Variants in RAB3GAP2 observed in about 807,000 individuals in gnomAD.
RAB3GAP2 encodes the protein rab3 GTPase-activating protein non-catalytic subunit.
RAB3GAP2 carries 87 observed loss-of-function variants against 185.3 expected under a neutral mutation model. The ratio of observed to expected loss-of-function variants is 0.47; its 90% CI spans 0.39 to 0.56. The LOEUF (loss-of-function observed/expected upper bound fraction) is 0.56, where lower values mean the gene tolerates loss of function less well. RAB3GAP2 is among the 20% of genes least tolerant of loss of function. The pLI is 0.00. For synonymous variants in RAB3GAP2, 554 were observed against 576.1 expected, an observed-to-expected ratio of 0.96 and a Z score of 0.55; for missense variants, 1,492 against 1,638.2, an observed-to-expected ratio of 0.91 and a Z score of 1.54.
intron 26 of RAB3GAP2, 66 bp downstream of exon 26, chr1:220,167,227 T>C: frequency 7.3e-7 from 1 of 1,364,340 alleles, no homozygotes; most frequent in Non-Finnish European, 1.0e-6. Flanking sequence ...AATTAGACGG[T>C]CCCCATATAT....
intron 2 of RAB3GAP2, among the ~76,000 whole-genome samples, chr1:220,223,599 C>T (rs112061271): frequency 4.6e-5 from 7 of 151,790 alleles, no homozygotes; most frequent in Non-Finnish European, 7.4e-5. Context: ...TTTCAAATAC[C>T]TGAGAACAGC....
intron 1 of RAB3GAP2, among the ~76,000 whole-genome samples, chr1:220,264,287 G>GAA (rs1403053833): frequency 1.3e-5 from 2 of 151,872 alleles, no homozygotes; most frequent in Non-Finnish European, 2.9e-5. Flanking sequence ...AATAAGTGAG[G>GAA]AAAACAACAT....
rs111345353 is a variant in RAB3GAP2, at chr1:220,189,696, C to T, written c.1779+7G>A. 7.1e-4 allele frequency: 1,110 copies of T among 1,560,476 alleles called. 8 individuals are homozygous for T. The African/African-American group carries it at 0.013, about 18-fold the overall frequency. Reference sequence around the variant, plus strand: ...AGCAGGAAAGTTCGTGTATTATATACACTTACTTGTTTTTTGGTTGCAGGG... The same window carrying T: ...AGCAGGAAAGTTCGTGTATTATATATACTTACTTGTTTTTTGGTTGCAGGG... On this transcript the variant is annotated splice_region_variant and intron_variant, in intron 17 of 34. Coordinates refer to ENST00000358951, the MANE Select transcript of RAB3GAP2 (RefSeq NM_012414.4).
chr1:220,189,626 A>AT, intron 17 of RAB3GAP2, 77 bp downstream of exon 17: 3 of 1,383,892 alleles, frequency 2.2e-6, no homozygotes, highest in South Asian at 2.9e-5. Context: ...TTTGGGGGAA[A>AT]TAGGAAAATA....
At chr1:220,161,219 C>A (rs1368658101) in intron 28 of RAB3GAP2, among the ~76,000 whole-genome samples, 1 of 152,056 alleles carries the variant, frequency 6.6e-6, no homozygotes, top group Non-Finnish European at 1.5e-5. Context: ...TTAGATTTAA[C>A]CAGAAAAATG....
chr1:220,167,719 C>T (rs769235350), intron 24 of RAB3GAP2, 44 bp from the exon 25 acceptor site: 1 of 1,590,872 alleles, frequency 6.3e-7, no homozygotes. Flanking sequence ...TTACAACACA[C>T]AGGGCAGTGT....
Position 220,172,639 on chromosome 1 carries a change from T to C in RAB3GAP2, c.2414A>G (p.Lys805Arg). ...CGAGAGCAACAAACTTTGTTTACCT[T>C]TCATCTTGCTCAGGAGGGACAGCAT... ...HTMLSLLSKM[K>R]VAIDETWDSQ... Residue 805 changes from lysine to arginine, a missense_variant and splice_region_variant, in exon 22 of 35, where the codon AAA (lysine) becomes AGA (arginine). Lys to Arg is a conservative substitution (Grantham distance 26). Coordinates refer to ENST00000358951, the MANE Select transcript of RAB3GAP2 (RefSeq NM_012414.4). 1 of 1,601,410 alleles carries C rather than the reference T, an allele frequency of 6.2e-7. No individual in the cohort carries two copies. Among genetic ancestry groups the C allele is most frequent in the Non-Finnish European group, 8.6e-7 (1 of 1,168,350 alleles).
chr1:220,254,423 C>T, intron 1 of RAB3GAP2: 1 of 1,612,936 alleles, frequency 6.2e-7, no homozygotes, highest in Non-Finnish European at 8.5e-7. Context: ...AAGAGCCTTG[C>T]TTTATTACTC....
intron 8 of RAB3GAP2, among the ~76,000 whole-genome samples, chr1:220,204,344 A>G (rs1049284413): frequency 4.6e-5 from 7 of 152,160 alleles, no homozygotes; most frequent in Non-Finnish European, 7.3e-5. Flanking sequence ...AATTTAGCCA[A>G]CCATAAGCTT....
intron 27 of RAB3GAP2, 67 bp from the exon 28 acceptor site, chr1:220,162,335 C>G: frequency 9.0e-7 from 1 of 1,109,362 alleles, no homozygotes; most frequent in Non-Finnish European, 1.4e-6. Flanking sequence ...ACATAAATTA[C>G]TCTTTCTTAA....
chr1:220,268,276 G>A (rs751801156), intron 1 of RAB3GAP2, among the ~76,000 whole-genome samples: 6 of 152,038 alleles, frequency 3.9e-5, no homozygotes, highest in African/African-American at 1.2e-4. Flanking sequence ...TTTATATTAC[G>A]GCTTGGCCTA....
chr1:220,151,530 T>C, intron 34 of RAB3GAP2, 76 bp downstream of exon 34: 1 of 1,587,134 alleles, frequency 6.3e-7, no homozygotes, highest in Non-Finnish European at 8.7e-7. Flanking sequence ...TCAAATTTTC[T>C]TCATAACTGT....
In RAB3GAP2 at chr1:220,240,299, C is replaced by A. The variant is rs1375097660; in HGVS notation, c.116-7436G>T. 3.3e-5 allele frequency among the ~76,000 whole-genome samples: 5 copies of A among 152,314 alleles called. No homozygotes were observed. The East Asian group carries it at 7.7e-4, about 23-fold the overall frequency. On this transcript the variant is annotated intron_variant, in intron 1 of 34. Coordinates refer to ENST00000358951, the MANE Select transcript of RAB3GAP2 (RefSeq NM_012414.4). ...AAATATTTCAGATTCATGTTTGTAA[C>A]TGAGCTTTCTCAGCTCATTTGTTGT... is the stretch of plus-strand genomic sequence containing the variant.
intron 9 of RAB3GAP2, among the ~76,000 whole-genome samples, chr1:220,201,512 T>C (rs886522466): frequency 1.4e-4 from 21 of 152,176 alleles, no homozygotes; most frequent in Non-Finnish European, 4.4e-5. Flanking sequence ...TTTGTTTTGC[T>C]TTCTTGAGAC....
intron 10 of RAB3GAP2, 181 bp downstream of exon 10, chr1:220,196,069 C>T (rs1658717146): frequency 5.9e-6 from 4 of 683,410 alleles, no homozygotes; most frequent in Non-Finnish European, 7.3e-6. Context: ...GATGGTAGTA[C>T]CTTTTCAGTT....
chr1:220,185,147 GGTGTTACAACCCCACA>G lies in RAB3GAP2; in HGVS notation c.1870+488_1870+503del. On this transcript the variant is annotated intron_variant, in intron 18 of 34. Transcript: ENST00000358951. ...TTACTAGTTCAGTTGGATGGAATAT[GGTGTTACAACCCCACA>G]GTTTCAAGTTTCAAGTGTAATCCTT... 2.0e-5 allele frequency among the ~76,000 whole-genome samples: 3 copies of G among 152,206 alleles called. No individual in the cohort carries two copies. The South Asian group carries it at 6.2e-4, about 32-fold the overall frequency.
chr1:220,171,139 G>A lies in RAB3GAP2; in HGVS notation c.2578-19C>T, dbSNP rs1356834967. The A allele has an allele frequency of 6.3e-7, 1 of 1,599,868 alleles. No individual in the cohort carries two copies. Among genetic ancestry groups the A allele is most frequent in the South Asian group, 1.1e-5 (1 of 90,730 alleles). Reference sequence around the variant, plus strand: ...GGGAAAACTAATAAAAAATGCACTGGTGATTCTTTGCCAAAGATTCTGAAT... The same window carrying A: ...GGGAAAACTAATAAAAAATGCACTGATGATTCTTTGCCAAAGATTCTGAAT... On this transcript the variant is annotated intron_variant, in intron 23 of 34. Coordinates refer to ENST00000358951, the MANE Select transcript of RAB3GAP2 (RefSeq NM_012414.4).
At position 220,266,950 on chromosome 1, in the gene RAB3GAP2, A is replaced by G; in HGVS notation, c.115+5273T>C. The G allele has an allele frequency of 7.5e-6, 12 of 1,599,264 alleles. No homozygotes were observed. The South Asian group carries it at 1.2e-4, about 16-fold the overall frequency. On this transcript the variant is annotated intron_variant, in intron 1 of 34. Transcript: ENST00000358951. ...TGCCTCAAAAGGAGGCTTCCCAACT[A>G]AAAATTCACAGCAAAGAACTCCAAG...
At chr1:220,196,926 A>G (rs1465475064) in intron 9 of RAB3GAP2, among the ~76,000 whole-genome samples, 1 of 152,124 alleles carries the variant, frequency 6.6e-6, no homozygotes, top group Non-Finnish European at 1.5e-5. Flanking sequence ...TTGAACAGAT[A>G]TGAAACTCAG....
Sources: allele counts gnomAD v4.1 joint callset (sites outside exome capture counted in the v4.1 genomes callset), GRCh38; gene constraint gnomAD v4.1.1; transcripts MANE v1.5; gene names NCBI Gene and HGNC (gene_info 2026-07-23, HGNC 2026-07-21).